Variants in DNAJC1 observed in about 807,000 individuals in gnomAD.
DNAJC1 encodes DnaJ heat shock protein family (Hsp40) member C1, also known as dnaJ homolog subfamily C member 1.
In DNAJC1, 58 loss-of-function variants were observed where a neutral mutation model predicts 76.6. That is an observed-to-expected ratio of 0.76 (90% confidence interval 0.61 to 0.94). The LOEUF (loss-of-function observed/expected upper bound fraction) is 0.94. DNAJC1 is among the 40% of genes least tolerant of loss of function. The pLI is 0.00. For synonymous variants in DNAJC1, 258 were observed against 267.9 expected (o/e 0.96, Z 0.36); for missense variants, 689 against 677.3 (o/e 1.02, Z -0.19).
At position 22,003,695 on chromosome 10, in the gene DNAJC1, C is replaced by A. The variant is rs1361351902; in HGVS notation, c.-261G>T. The A allele has an allele frequency of 2.7e-6, 1 of 370,376 alleles. No homozygotes were observed. Among genetic ancestry groups the A allele is most frequent in the Non-Finnish European group, 4.7e-6 (1 of 210,866 alleles). 22.9% of individuals were successfully genotyped at this position (370,376 alleles called of 1,614,324 possible). ...CCCTCGCCCCCAGGCCTACACACAG[C>A]TGTAGAGGCAGCGCCCGGCGCCTGG... On this transcript the variant is annotated 5_prime_UTR_variant, in exon 1 of 12. Transcript: ENST00000376980.
At chr10:21,904,215 C>T (rs1302148606) in intron 7 of DNAJC1, among the ~76,000 whole-genome samples, 1 of 152,102 alleles carries the variant, frequency 6.6e-6, no homozygotes, top group Admixed American at 6.5e-5. Context: ...CACTAAATAT[C>T]AACTGTAATT....
At chr10:21,835,538 G>A (rs1835435824) in intron 8 of DNAJC1, among the ~76,000 whole-genome samples, 1 of 152,192 alleles carries the variant, frequency 6.6e-6, no homozygotes, top group South Asian at 2.1e-4. Context: ...CGAGCTAAAG[G>A]AGGAAATTCG....
At chr10:21,917,949 ATAACTAC>A (rs1428027884) in intron 6 of DNAJC1, among the ~76,000 whole-genome samples, 6 of 152,084 alleles carry the variant, frequency 3.9e-5, no homozygotes, top group Admixed American at 2.6e-4. Flanking sequence ...GCTCTAATAT[ATAACTAC>A]AAAGTGGGTA....
At chr10:21,997,570 C>G (rs772528341) in intron 1 of DNAJC1, among the ~76,000 whole-genome samples, 1 of 152,130 alleles carries the variant, frequency 6.6e-6, no homozygotes, top group Non-Finnish European at 1.5e-5. Flanking sequence ...TAACTCACAC[C>G]GCCATGGTAA....
chr10:21,992,073 G>A (rs1427692104), intron 1 of DNAJC1, among the ~76,000 whole-genome samples: 1 of 152,244 alleles, frequency 6.6e-6, no homozygotes, highest in Admixed American at 6.5e-5. Context: ...CACTCTGGGA[G>A]GCCAAGGTTG....
chr10:21,766,406 T>A, intron 9 of DNAJC1, 97 bp from the exon 10 acceptor site: 1 of 908,376 alleles, frequency 1.1e-6, no homozygotes, highest in South Asian at 1.4e-5. Flanking sequence ...ATGAACACAG[T>A]TCATTGGATC....
chr10:21,915,485 C>T (rs1836937942), intron 6 of DNAJC1, among the ~76,000 whole-genome samples: 1 of 152,180 alleles, frequency 6.6e-6, no homozygotes, highest in Non-Finnish European at 1.5e-5. Flanking sequence ...TTAGCTTGGA[C>T]CCTGCTTCTT....
intron 3 of DNAJC1, among the ~76,000 whole-genome samples, chr10:21,927,518 G>A (rs1333682225): frequency 5.3e-5 from 8 of 152,060 alleles, no homozygotes; most frequent in South Asian, 2.1e-4. Context: ...CTCTTGTATC[G>A]TAGAACATTT....
chr10:21,898,425 G>C (rs1348395910), intron 7 of DNAJC1, among the ~76,000 whole-genome samples: 1 of 152,118 alleles, frequency 6.6e-6, no homozygotes, highest in African/African-American at 2.4e-5. Context: ...GTGTCGTAGT[G>C]ATGCTGGTAT....
rs112597940 is a variant in DNAJC1 at position 21,763,966 on chromosome 10, A to G, written c.1147+2295T>C. Reference sequence around the variant, plus strand: ...AGTGAGGGTGCTGGCATAAGTCGGAATATCAAAGATGAGAAAGTTTAATTC... The same window carrying G: ...AGTGAGGGTGCTGGCATAAGTCGGAGTATCAAAGATGAGAAAGTTTAATTC... On this transcript the variant is annotated intron_variant, in intron 10 of 11. Coordinates refer to ENST00000376980, the MANE Select transcript of DNAJC1 (RefSeq NM_022365.4). Among the ~76,000 whole-genome samples, 50 of 152,326 alleles carry G rather than the reference A, an allele frequency of 3.3e-4. 1 individual carries two copies. The highest frequency in any genetic ancestry group is 1.0e-3 in the African/African-American group (43 of 41,578).
intron 8 of DNAJC1, among the ~76,000 whole-genome samples, chr10:21,854,937 A>C (rs1835810519): frequency 6.6e-6 from 1 of 152,158 alleles, no homozygotes; most frequent in South Asian, 2.1e-4. Flanking sequence ...CCATCTGTGA[A>C]ATACAGTCTT....
chr10:21,787,416 G>GAGGAGA (rs900907090), intron 9 of DNAJC1, among the ~76,000 whole-genome samples: 4 of 151,720 alleles, frequency 2.6e-5, no homozygotes, highest in Non-Finnish European at 4.4e-5. Context: ...AGAGGAGGAG[G>GAGGAGA]AGGAGAAGGA....
intron 1 of DNAJC1, among the ~76,000 whole-genome samples, chr10:21,999,116 G>C (rs1205269680): frequency 6.6e-6 from 1 of 152,126 alleles, no homozygotes; most frequent in African/African-American, 2.4e-5. Context: ...TCTAGTTTAG[G>C]ATATGGATAT....
chr10:21,961,774 C>T (rs1837795975), intron 1 of DNAJC1, among the ~76,000 whole-genome samples: 1 of 152,108 alleles, frequency 6.6e-6, no homozygotes, highest in Non-Finnish European at 1.5e-5. Context: ...AGCCAAAGTT[C>T]TTACAATCAC....
chr10:21,840,049 C>A (rs1402702497), intron 8 of DNAJC1, among the ~76,000 whole-genome samples: 1 of 152,208 alleles, frequency 6.6e-6, no homozygotes, highest in East Asian at 1.9e-4. Flanking sequence ...CAAAATTCAA[C>A]AACGCTTCAT....
chr10:21,765,302 A>C (rs2131618188), intron 10 of DNAJC1, among the ~76,000 whole-genome samples: 1 of 152,224 alleles, frequency 6.6e-6, no homozygotes, highest in South Asian at 2.1e-4. Context: ...TCCTGGGCTC[A>C]AGTGATCCTC....
Position 21,766,296 on chromosome 10 carries a change from G to C in DNAJC1, c.1112C>G (p.Ala371Gly). The C allele has an allele frequency of 6.2e-7, 1 of 1,613,784 alleles. No individual in the cohort carries two copies. Residue 371 changes from alanine to glycine, a missense_variant, in exon 10 of 12, where the codon GCC (alanine) becomes GGC (glycine). By Grantham distance (60) the Ala-to-Gly change is moderately conservative. Transcript: ENST00000376980. Reference sequence around the variant, plus strand: ...GGTCACTGAATCCTTCAGTTGCTTGGCTTTGGTTGTCACCTGTTTCAAAAC... The same window carrying C: ...GGTCACTGAATCCTTCAGTTGCTTGCCTTTGGTTGTCACCTGTTTCAAAAC... ...GRSVTDVTTK[A>G]KQLKDSVTCS...
intron 8 of DNAJC1, among the ~76,000 whole-genome samples, chr10:21,833,770 A>G (rs1435587777): frequency 6.6e-6 from 1 of 152,148 alleles, no homozygotes; most frequent in East Asian, 1.9e-4. Context: ...TTATCACTGT[A>G]CCACCCACTC....
chr10:21,767,255 CAT>C (rs1181833522), intron 9 of DNAJC1, among the ~76,000 whole-genome samples: 5 of 152,172 alleles, frequency 3.3e-5, no homozygotes, highest in Admixed American at 2.0e-4. Flanking sequence ...TACCTTTACA[CAT>C]ATGAGTGTGG....
Sources: allele counts gnomAD v4.1 joint callset (sites outside exome capture counted in the v4.1 genomes callset), GRCh38; gene constraint gnomAD v4.1.1; transcripts MANE v1.5; gene names NCBI Gene and HGNC (gene_info 2026-07-23, HGNC 2026-07-21).